Variants in ELP1 observed in about 807,000 individuals in gnomAD.
ELP1 encodes the protein elongator acetyltransferase complex subunit 1.
Under a neutral mutation model 183.2 loss-of-function variants are expected in ELP1, and 131 were observed. That is an observed-to-expected ratio of 0.72 (90% CI 0.62 to 0.83). The LOEUF is 0.83. Among genes scored for constraint, ELP1 ranks in the 40% least tolerant of loss-of-function variants. The pLI, the probability that ELP1 is intolerant of heterozygous loss-of-function variation, is 0.00. For synonymous variants in ELP1, 555 were observed against 569.0 expected, an observed-to-expected ratio of 0.98 and a Z score of 0.35; for missense variants, 1,550 against 1,594.9, an observed-to-expected ratio of 0.97 and a Z score of 0.48.
intron 36 of ELP1, among the ~76,000 whole-genome samples, chr9:108,872,200 C>T (rs1259785362): frequency 6.6e-6 from 1 of 152,210 alleles, no homozygotes; most frequent in African/African-American, 2.4e-5. Flanking sequence ...CTCTCATGTG[C>T]TGCTCATGTG....
chr9:108,928,031 T>C (rs1829874334), intron 3 of ELP1, among the ~76,000 whole-genome samples: 1 of 152,212 alleles, frequency 6.6e-6, no homozygotes. Flanking sequence ...TAAAAGACTG[T>C]AATTGGATTG....
At chr9:108,931,410 T>C (rs1830000350) in intron 1 of ELP1, among the ~76,000 whole-genome samples, 1 of 152,236 alleles carries the variant, frequency 6.6e-6, no homozygotes, top group South Asian at 2.1e-4. Flanking sequence ...TTCTGAAACC[T>C]ATTTTATGTT....
In ELP1 at chr9:108,901,650, C is replaced by T. The variant is rs148378319; in HGVS notation, c.1886G>A (p.Arg629His). The change falls in exon 17 of 37, where the codon CGC becomes CAC. Residue 629 changes from arginine (R) to histidine (H), a missense_variant. Physicochemically the swap from Arg to His is conservative, Grantham distance 29 (BLOSUM62 0). Coordinates refer to ENST00000374647, the MANE Select transcript of ELP1 (RefSeq NM_003640.5). ...TACCTCAATGTCATTGATGAAAAAG[C>T]GACACCTGTCAGTCAGACCAAGGAC... Reference protein sequence around the residue: ...ECVLGLTDRCRFFINDIEVAS... With the variant: ...ECVLGLTDRCHFFINDIEVAS... 4,301 of 1,614,090 alleles carry T rather than the reference C, an allele frequency of 2.7e-3. 13 individuals carry two copies. The highest frequency in any genetic ancestry group is 3.1e-3 in the Non-Finnish European group (3,669 of 1,179,948).
rs1342497449 is a variant in ELP1 at position 108,890,331 on chromosome 9, GA to G, written c.3160+871del. On this transcript the variant is annotated intron_variant, in intron 28 of 36. Transcript: ENST00000374647. ...ATCCCATACACTGGTATAATCCCAA[GA>G]AAAAAAGAATACTGCAAATGACAAA... Among the ~76,000 whole-genome samples, 3 of 146,528 alleles carry G rather than the reference GA, an allele frequency of 2.0e-5. No individual in the cohort carries two copies. In the East Asian group the frequency reaches 5.8e-4, roughly 28 times the overall value.
intron 22 of ELP1, 142 bp from the exon 23 acceptor site, chr9:108,897,427 A>G: frequency 3.4e-6 from 3 of 892,750 alleles, no homozygotes; most frequent in Non-Finnish European, 1.8e-6. Flanking sequence ...ATTGAGAAAT[A>G]AAACATGTCC....
Position 108,901,409 on chromosome 9 carries a change from T to G in ELP1, c.2014+16A>C. The G allele has an allele frequency of 6.5e-7, 1 of 1,540,598 alleles. No homozygotes were observed. Among genetic ancestry groups the G allele is most frequent in the South Asian group, 1.1e-5 (1 of 89,510 alleles). On this transcript the variant is annotated intron_variant, in intron 18 of 36. Transcript: ENST00000374647. ...TGGAGAAGGGACCATTTCTGTTTTA[T>G]ACATTGAAAACTTACTTTTAAATGA...
rs761244999 is a variant in ELP1 at position 108,932,792 on chromosome 9, A to G, written c.-56+1072T>C. On this transcript the variant is annotated intron_variant, in intron 1 of 36. Transcript: ENST00000374647. ...AAAGGAATATCCTCCATATTGCCAC[A>G]GGACCTAGGCCTATTAGTACTCTTT... Among the ~76,000 whole-genome samples, 6 of 152,284 alleles carry G rather than the reference A, an allele frequency of 3.9e-5. No individual in the cohort carries two copies. In the East Asian group the frequency reaches 9.6e-4, roughly 24 times the overall value.
At chr9:108,907,294 T>C (rs919302109) in intron 13 of ELP1, among the ~76,000 whole-genome samples, 1 of 152,268 alleles carries the variant, frequency 6.6e-6, no homozygotes, top group Non-Finnish European at 1.5e-5. Context: ...ATTATCCCCA[T>C]CAATTTTTTT....
Position 108,919,247 on chromosome 9 carries a change from C to A in ELP1, c.649+6G>T, listed in dbSNP as rs1411644037. 2 of 1,599,004 alleles carry A rather than the reference C, an allele frequency of 1.3e-6. No individual in the cohort carries two copies. Among genetic ancestry groups the A allele is most frequent in the Non-Finnish European group, 8.6e-7 (1 of 1,166,662 alleles). ...ATTGTTGTTTAACTGCAATATATTT[C>A]CATACCTGTTTCTGGGCAAACAACA... is the stretch of plus-strand genomic sequence containing the variant. On this transcript the variant is annotated splice_donor_region_variant and intron_variant, in intron 7 of 36. Coordinates refer to ENST00000374647, the MANE Select transcript of ELP1 (RefSeq NM_003640.5).
intron 20 of ELP1, among the ~76,000 whole-genome samples, 183 bp from the exon 21 acceptor site, chr9:108,898,932 C>T: frequency 6.6e-6 from 1 of 152,170 alleles, no homozygotes; most frequent in East Asian, 1.9e-4. Context: ...CATTCATTTA[C>T]CTTCTTAAAA....
At chr9:108,922,794 C>G (rs769286085) in intron 6 of ELP1, 48 bp downstream of exon 6, 3 of 1,440,646 alleles carry the variant, frequency 2.1e-6, no homozygotes, top group Admixed American at 1.7e-5. Flanking sequence ...GGGTGGCAAA[C>G]TTACATTTGT....
chr9:108,896,348 A>G (rs567865380), intron 25 of ELP1, 148 bp downstream of exon 25: 1 of 720,528 alleles, frequency 1.4e-6, no homozygotes, highest in African/African-American at 1.8e-5. Context: ...GGGCTTAGGA[A>G]TGTGGGCCCT....
At chr9:108,932,337 C>T (rs1830025280) in intron 1 of ELP1, among the ~76,000 whole-genome samples, 1 of 152,030 alleles carries the variant, frequency 6.6e-6, no homozygotes, top group Admixed American at 6.6e-5. Flanking sequence ...TCTAACATAT[C>T]ATGCAGGTTT....
At chr9:108,906,572 C>G in intron 13 of ELP1, 87 bp from the exon 14 acceptor site, 1 of 1,056,790 alleles carries the variant, frequency 9.5e-7, no homozygotes, top group South Asian at 1.3e-5. Context: ...ACTGAAGCAT[C>G]TTGTATACAG....
intron 15 of ELP1, 73 bp downstream of exon 15, chr9:108,903,490 T>C: frequency 9.7e-7 from 1 of 1,032,206 alleles, no homozygotes; most frequent in East Asian, 2.4e-5. Context: ...ACTGACAAGA[T>C]ACAAGTACAT....
intron 29 of ELP1, among the ~76,000 whole-genome samples, chr9:108,884,433 T>C (rs536314014): frequency 1.3e-5 from 2 of 152,156 alleles, no homozygotes; most frequent in Non-Finnish European, 2.9e-5. Context: ...CTCCATCCAA[T>C]AATAGTAGCT....
intron 9 of ELP1, among the ~76,000 whole-genome samples, chr9:108,917,193 C>T (rs917452109): frequency 3.3e-5 from 5 of 152,178 alleles, no homozygotes; most frequent in Admixed American, 1.3e-4. Context: ...ATAGGCCAGG[C>T]GTGGTGGCTC....
rs772369383 is a variant in ELP1 at position 108,931,176 on chromosome 9, A to C, written c.-30T>G. On this transcript the variant is annotated 5_prime_UTR_variant, in exon 2 of 37. Transcript: ENST00000374647. ...AAGTGATTCCCACGAGACAAGTACA[A>C]CTATCCCTTGATGAATCATTAATCT... is the stretch of plus-strand genomic sequence containing the variant. 1 of 1,606,582 alleles carries C rather than the reference A, an allele frequency of 6.2e-7. No homozygotes were observed. The highest frequency in any genetic ancestry group is 1.1e-5 in the South Asian group (1 of 90,904).
chr9:108,911,035 A>G lies in ELP1; in HGVS notation c.1335T>C (p.Ser445=), dbSNP rs777207577. 8 of 1,614,018 alleles carry G rather than the reference A, an allele frequency of 5.0e-6. No homozygotes were observed. In the Admixed American group the frequency reaches 8.3e-5, roughly 17 times the overall value. Residue 445 remains serine, a synonymous_variant, in exon 12 of 37, where the codon AGT becomes AGC. Transcript: ENST00000374647. The part of the protein sequence containing the change: ...KSNDLAVLDA[S]NQISVYKCGD... The stretch of plus-strand genomic sequence containing the variant: ...CACATTTATAAACAGAAATCTGGTT[A>G]CTGGCATCTAGAACAGCAAGGTCAT...
Sources: allele counts gnomAD v4.1 joint callset (sites outside exome capture counted in the v4.1 genomes callset), GRCh38; gene constraint gnomAD v4.1.1; transcripts MANE v1.5; gene names NCBI Gene and HGNC (gene_info 2026-07-23, HGNC 2026-07-21).